Variants in COL25A1 observed in about 807,000 individuals in gnomAD.
COL25A1 encodes collagen type XXV alpha 1 chain, also known as collagen alpha-1(XXV) chain.
In COL25A1, 103 loss-of-function variants were observed where a neutral mutation model predicts 128.4. The ratio of observed to expected loss-of-function variants is 0.80; its 90% CI spans 0.68 to 0.94. The LOEUF is 0.94. Ranked by LOEUF, COL25A1 falls within the 40% of genes least tolerant of loss-of-function variation. The pLI is 0.00. For synonymous variants in COL25A1, 279 were observed against 277.2 expected, an observed-to-expected ratio of 1.01 and a Z score of -0.06; for missense variants, 745 against 840.0, an observed-to-expected ratio of 0.89 and a Z score of 1.40.
intron 5 of COL25A1, among the ~76,000 whole-genome samples, chr4:109,037,655 A>C (rs1255366252): frequency 6.6e-6 from 1 of 152,234 alleles, no homozygotes; most frequent in Non-Finnish European, 1.5e-5. Context: ...TGCTACAGAA[A>C]AATAAAATGT....
At chr4:109,070,902 A>G (rs1314827757) in intron 3 of COL25A1, among the ~76,000 whole-genome samples, 1 of 152,076 alleles carries the variant, frequency 6.6e-6, no homozygotes, top group Non-Finnish European at 1.5e-5. Flanking sequence ...TCCATGGTGT[A>G]TATGTGCCAC....
intron 3 of COL25A1, among the ~76,000 whole-genome samples, chr4:109,080,356 T>C (rs868481808): frequency 2.4e-4 from 36 of 152,092 alleles, no homozygotes; most frequent in Admixed American, 1.6e-3. Context: ...ATAATAATAA[T>C]AAATACAGTA....
At position 109,202,932 on chromosome 4, in the gene COL25A1, G is replaced by T. The variant is rs147832971; in HGVS notation, c.367+97651C>A. ...TATGGATATGTTGGAGAGGCAGCCAGGGGAGAGAAAGAGAGAAGCAGGAGG... is the reference window on the plus strand; with the variant it reads ...TATGGATATGTTGGAGAGGCAGCCATGGGAGAGAAAGAGAGAAGCAGGAGG... On this transcript the variant is annotated intron_variant, in intron 3 of 37. Coordinates refer to ENST00000399132, the MANE Select transcript of COL25A1 (RefSeq NM_198721.4). 0.011 allele frequency among the ~76,000 whole-genome samples: 1,628 copies of T among 152,136 alleles called. 60 individuals are homozygous for T. In the South Asian group the frequency reaches 0.14, roughly 13 times the overall value.
intron 5 of COL25A1, among the ~76,000 whole-genome samples, chr4:109,046,735 C>G (rs536243488): frequency 1.3e-5 from 2 of 152,290 alleles, no homozygotes; most frequent in South Asian, 4.1e-4. Context: ...GCCAACGTTT[C>G]CTCTGAATAA....
intron 3 of COL25A1, among the ~76,000 whole-genome samples, chr4:109,110,133 G>A (rs192854501): frequency 6.6e-6 from 1 of 152,206 alleles, no homozygotes; most frequent in African/African-American, 2.4e-5. Context: ...CAGGAGGGAT[G>A]TTCAAAAATT....
At chr4:109,138,771 C>T (rs1050033223) in intron 3 of COL25A1, among the ~76,000 whole-genome samples, 3 of 152,004 alleles carry the variant, frequency 2.0e-5, no homozygotes, top group Non-Finnish European at 4.4e-5. Flanking sequence ...TGCAGTGGCA[C>T]GATCTCAGCT....
chr4:109,108,002 T>G (rs1766612927), intron 3 of COL25A1, among the ~76,000 whole-genome samples: 1 of 152,222 alleles, frequency 6.6e-6, no homozygotes, highest in South Asian at 2.1e-4. Flanking sequence ...ACTTTCTACA[T>G]ACCTTAAAAA....
intron 3 of COL25A1, among the ~76,000 whole-genome samples, chr4:109,065,843 C>A (rs1336727411): frequency 1.3e-5 from 2 of 152,078 alleles, no homozygotes; most frequent in African/African-American, 4.8e-5. Context: ...CACTGTATGG[C>A]AAGGTTTTTT....
intron 3 of COL25A1, among the ~76,000 whole-genome samples, chr4:109,057,322 C>T (rs1761535380): frequency 6.7e-6 from 1 of 150,124 alleles, no homozygotes; most frequent in Non-Finnish European, 1.5e-5. Context: ...GGCTGGAGAG[C>T]AGTGGTGTGA....
chr4:108,998,747 G>T (rs1014903418), intron 6 of COL25A1, among the ~76,000 whole-genome samples: 5 of 152,138 alleles, frequency 3.3e-5, no homozygotes, highest in African/African-American at 1.2e-4. Flanking sequence ...AAACAGCATG[G>T]TACTGGTACC....
At chr4:109,291,020 C>G (rs2189176) in intron 3 of COL25A1, among the ~76,000 whole-genome samples, 18,851 of 152,114 alleles carry the variant, frequency 0.12, 1,368 homozygotes, top group East Asian at 0.29. Context: ...GAAGTCCATA[C>G]TTTGAGACTG....
chr4:109,301,631 A>G (rs984921580), intron 2 of COL25A1, 92 bp downstream of exon 2: 1 of 1,425,756 alleles, frequency 7.0e-7, no homozygotes, highest in African/African-American at 1.4e-5. Flanking sequence ...CACACCAAGT[A>G]TGGGTACAGT....
In COL25A1 at chr4:108,813,814, C is replaced by G; in HGVS notation, c.*113G>C. ...GTATACTACTGCCAGCAGGAAGAAG[C>G]AGCCCTATGTAAACATATCTCAGAC... is the stretch of plus-strand genomic sequence containing the variant. On this transcript the variant is annotated 3_prime_UTR_variant, in exon 38 of 38. Transcript: ENST00000399132. 1 of 800,148 alleles carries G rather than the reference C, an allele frequency of 1.2e-6. No homozygotes were observed. The highest frequency in any genetic ancestry group is 2.5e-5 in the East Asian group (1 of 39,966). 49.6% of individuals were successfully genotyped at this position (800,148 alleles called of 1,614,324 possible).
At chr4:109,233,882 A>G (rs17304953) in intron 3 of COL25A1, among the ~76,000 whole-genome samples, 20,791 of 151,996 alleles carry the variant, frequency 0.14, 1,676 homozygotes, top group Middle Eastern at 0.19. Flanking sequence ...CAACAATTTC[A>G]TGGTCTTCAG....
chr4:109,119,394 G>A (rs560817704), intron 3 of COL25A1, among the ~76,000 whole-genome samples: 57 of 151,678 alleles, frequency 3.8e-4, no homozygotes, highest in Admixed American at 9.2e-4. Flanking sequence ...AGAGAAAATC[G>A]GCAAAACTCA....
intron 5 of COL25A1, among the ~76,000 whole-genome samples, chr4:109,044,597 A>C (rs1163124362): frequency 1.3e-5 from 2 of 152,140 alleles, no homozygotes; most frequent in Admixed American, 1.3e-4. Flanking sequence ...CTGTCTGTAC[A>C]CATGAAGCCA....
intron 3 of COL25A1, among the ~76,000 whole-genome samples, chr4:109,274,878 T>C (rs1722661647): frequency 6.6e-6 from 1 of 152,216 alleles, no homozygotes; most frequent in African/African-American, 2.4e-5. Context: ...ATTAACTCTC[T>C]CTATGAAAAT....
chr4:108,943,454 A>C (rs938697279), intron 8 of COL25A1, among the ~76,000 whole-genome samples: 2 of 152,166 alleles, frequency 1.3e-5, no homozygotes, highest in Non-Finnish European at 2.9e-5. Flanking sequence ...CTCTCCAATC[A>C]TATGATGAAT....
At position 108,943,460 on chromosome 4, in the gene COL25A1, T is replaced by C. The variant is rs144400297; in HGVS notation, c.493-2023A>G. 3.9e-4 allele frequency among the ~76,000 whole-genome samples: 60 copies of C among 152,304 alleles called. No individual in the cohort carries two copies. In the East Asian group the frequency reaches 0.011, roughly 28 times the overall value. ...AAAATTTCTCTCTCCAATCATATGA[T>C]GAATCTCAGATCTCTCCTGTTTCAG... On this transcript the variant is annotated intron_variant, in intron 8 of 37. Transcript: ENST00000399132.
Sources: allele counts gnomAD v4.1 joint callset (sites outside exome capture counted in the v4.1 genomes callset), GRCh38; gene constraint gnomAD v4.1.1; transcripts MANE v1.5; gene names NCBI Gene and HGNC (gene_info 2026-07-23, HGNC 2026-07-21).